Variants in TMEM229B observed in about 807,000 individuals in gnomAD.
TMEM229B encodes the protein chromosome 14 open reading frame 83.
In TMEM229B, 6 loss-of-function variants were observed where a neutral mutation model predicts 13.7. The ratio of observed to expected loss-of-function variants is 0.44; its 90% CI spans 0.24 to 0.86. The LOEUF is 0.86. Among genes scored for constraint, TMEM229B ranks in the 40% least tolerant of loss-of-function variants. The pLI, the probability that TMEM229B is intolerant of heterozygous loss-of-function variation, is 0.23. For synonymous variants in TMEM229B, 107 were observed against 102.1 expected (o/e 1.05, Z -0.29); for missense variants, 170 against 236.0 (o/e 0.72, Z 1.83).
intron 1 of TMEM229B, among the ~76,000 whole-genome samples, chr14:67,508,951 C>T (rs74058430): frequency 0.075 from 11,377 of 151,842 alleles, 533 homozygotes; most frequent in Non-Finnish European, 0.092. Flanking sequence ...GTCTCCACAG[C>T]TGAATTATAA....
chr14:67,515,016 G>C (rs2033156285), intron 1 of TMEM229B: 1 of 152,394 alleles, frequency 6.6e-6, no homozygotes, highest in Non-Finnish European at 1.5e-5. Context: ...CGCGGTCGGA[G>C]CTGCCGGCCC....
intron 1 of TMEM229B, among the ~76,000 whole-genome samples, chr14:67,524,734 A>G (rs1425218851): frequency 6.6e-6 from 1 of 152,234 alleles, no homozygotes; most frequent in African/African-American, 2.4e-5. Context: ...AACATACTGT[A>G]TAATAGGAAT....
intron 1 of TMEM229B, among the ~76,000 whole-genome samples, chr14:67,532,699 T>G (rs1210149739): frequency 6.6e-6 from 1 of 152,182 alleles, no homozygotes; most frequent in Non-Finnish European, 1.5e-5. Flanking sequence ...GCAAGTAAGT[T>G]ACTCTCTGGG....
chr14:67,512,079 T>A (rs1367753679), intron 1 of TMEM229B, among the ~76,000 whole-genome samples: 1 of 152,232 alleles, frequency 6.6e-6, no homozygotes, highest in Non-Finnish European at 1.5e-5. Flanking sequence ...CATCTTTATC[T>A]TATAGCAGAA....
At chr14:67,520,983 C>T (rs962474633) in intron 1 of TMEM229B, among the ~76,000 whole-genome samples, 3 of 152,182 alleles carry the variant, frequency 2.0e-5, no homozygotes, top group African/African-American at 7.2e-5. Flanking sequence ...GTCAGTATTT[C>T]CACATTTGGG....
rs777111949 is a variant in TMEM229B at position 67,473,869 on chromosome 14, G to C, written c.55C>G (p.His19Asp). 1.2e-6 allele frequency: 2 copies of C among 1,612,050 alleles called. No homozygotes were observed. Among genetic ancestry groups the C allele is most frequent in the Non-Finnish European group, 8.5e-7 (1 of 1,179,226 alleles). Residue 19 changes from histidine to aspartate, a missense_variant, in exon 3 of 3, where the codon CAC becomes GAC. Coordinates refer to ENST00000554480, the MANE Select transcript of TMEM229B (RefSeq NM_001348543.2). This position sits in a 1 kb window ranked among gnomAD's most constrained non-coding sequence, Gnocchi z 6.5. ...ALSRWYLYAIHGYFCEVMFTA... is the reference protein window; with the variant it reads ...ALSRWYLYAIDGYFCEVMFTA... ...AACATCACCTCGCAGAAGTAGCCGT[G>C]GATGGCATACAGGTACCAGCGGGAC...
chr14:67,494,568 G>A (rs1010978996), intron 1 of TMEM229B, among the ~76,000 whole-genome samples: 8 of 152,126 alleles, frequency 5.3e-5, no homozygotes, highest in South Asian at 4.1e-4. Context: ...AATCGGCCCC[G>A]CCCCCACACA....
chr14:67,503,044 G>A (rs11626910), intron 1 of TMEM229B, among the ~76,000 whole-genome samples: 110,690 of 151,936 alleles, frequency 0.73, 42,145 homozygotes, highest in Non-Finnish European at 0.85. Context: ...AGAGCCTTGC[G>A]TAAGTTAGCA....
chr14:67,517,560 T>TAG (rs1437591466), upstream of TMEM229B, among the ~76,000 whole-genome samples: 1 of 152,174 alleles, frequency 6.6e-6, no homozygotes, highest in East Asian at 1.9e-4. Context: ...AGATATCAGT[T>TAG]AGAGAATCAG....
upstream of TMEM229B, among the ~76,000 whole-genome samples, chr14:67,492,596 C>T (rs1309514190): frequency 6.6e-6 from 1 of 152,208 alleles, no homozygotes; most frequent in Non-Finnish European, 1.5e-5. Flanking sequence ...CCCTTTGTTG[C>T]CTCACCAGGG....
intron 1 of TMEM229B, chr14:67,533,492 A>AGGACGGCCCCTCGGGCCCG (rs1194685947): frequency 1.3e-5 from 2 of 151,662 alleles, no homozygotes; most frequent in South Asian, 2.1e-4. Context: ...CCTCGGGCCC[A>AGGACGGCCCCTCGGGCCCG]GAGGACGATC....
chr14:67,486,516 A>AC (rs1001564548), intron 2 of TMEM229B, among the ~76,000 whole-genome samples: 53 of 152,114 alleles, frequency 3.5e-4, no homozygotes, highest in African/African-American at 1.3e-3. Context: ...CTTGCGATCC[A>AC]CCCACCTCGG....
rs571172249 is a variant in TMEM229B, at chr14:67,504,245, C to T, written c.-192+10841G>A. On this transcript the variant is annotated intron_variant, in intron 1 of 2. Transcript: ENST00000357461. ...GCCAGGTTGGTCTCGGACTTCTGAC[C>T]TCAAGTGATGCGCTTACCTCAGCCT... 7.3e-5 allele frequency among the ~76,000 whole-genome samples: 11 copies of T among 151,120 alleles called. No homozygotes were observed. In the South Asian group the frequency reaches 1.7e-3, roughly 23 times the overall value.
chr14:67,497,120 G>C (rs1246368392), intron 1 of TMEM229B, among the ~76,000 whole-genome samples: 3 of 152,084 alleles, frequency 2.0e-5, no homozygotes, highest in African/African-American at 7.2e-5. Flanking sequence ...AGATAAGAGA[G>C]ACCTAAGGAT....
chr14:67,513,539 C>G (rs1240393943), intron 1 of TMEM229B, among the ~76,000 whole-genome samples: 2 of 152,212 alleles, frequency 1.3e-5, no homozygotes, highest in African/African-American at 2.4e-5. Context: ...CATGCTGTGT[C>G]CCCAGTTGCC....
intron 2 of TMEM229B, among the ~76,000 whole-genome samples, 164 bp downstream of exon 2, chr14:67,486,836 G>A (rs890875167): frequency 3.3e-5 from 5 of 152,160 alleles, no homozygotes; most frequent in Non-Finnish European, 5.9e-5. Context: ...CGCATGTGAT[G>A]GCCCAATATT....
chr14:67,532,916 C>T (rs1047594803), intron 1 of TMEM229B, among the ~76,000 whole-genome samples: 2 of 151,850 alleles, frequency 1.3e-5, no homozygotes, highest in African/African-American at 4.8e-5. Flanking sequence ...TCAAGCAGAT[C>T]CCCGGGGCGC....
chr14:67,479,405 T>G lies in TMEM229B; in HGVS notation c.-18-5464A>C, dbSNP rs536083720. The stretch of plus-strand genomic sequence containing the variant: ...CAGCCTGGGCTACAGAGCAAGACTC[T>G]GTCTCAAAAAAAAAAAAAAATGCTT... On this transcript the variant is annotated intron_variant, in intron 2 of 2. Coordinates refer to ENST00000554480, the MANE Select transcript of TMEM229B (RefSeq NM_001348543.2). Among the ~76,000 whole-genome samples the G allele has an allele frequency of 2.3e-5, 3 of 128,754 alleles. No homozygotes were observed. The South Asian group carries it at 7.1e-4, about 31-fold the overall frequency. The allele number at this position is 128,754 out of a possible 152,430, so 84.5% of individuals were successfully genotyped here. A position where few individuals can be genotyped will look rare whatever the true frequency, so the allele number is the denominator to read the frequency against.
Position 67,473,949 on chromosome 14 carries a change from G to GA in TMEM229B, c.-18-9_-18-8insT. 1 of 1,577,608 alleles carries GA rather than the reference G, an allele frequency of 6.3e-7. No individual in the cohort carries two copies. The highest frequency in any genetic ancestry group is 8.6e-7 in the Non-Finnish European group (1 of 1,162,766). On this transcript the variant is annotated splice_polypyrimidine_tract_variant and intron_variant, in intron 2 of 2. Coordinates refer to ENST00000554480, the MANE Select transcript of TMEM229B (RefSeq NM_001348543.2). The surrounding 1 kb of genome is among the most constrained non-coding windows in gnomAD (Gnocchi z 6.5). ...GGCGCCGACTGGGGCTGGCTGCGGG[G>GA]GGCGCAAGAGAGACAGGTGAGGGCC...
Sources: gnomAD v4.1 joint callset for allele counts (sites outside exome capture counted in the v4.1 genomes callset) on GRCh38, gnomAD v4.1.1 for gene constraint, Gnocchi (gnomAD v3.1) non-coding constraint, MANE v1.5 for transcripts, NCBI Gene and HGNC (gene_info 2026-07-23, HGNC 2026-07-21) for gene names.